The following ANKAR variants were observed in gnomAD, a reference collection of about 807,000 sequenced individuals.
The protein encoded by ANKAR is ankyrin and armadillo repeat containing, also known as ankyrin and armadillo repeat-containing protein.
A neutral mutation model predicts 146.2 loss-of-function variants in ANKAR; 136 were observed. The ratio of observed to expected loss-of-function variants is 0.93; its 90% CI spans 0.81 to 1.07. The LOEUF (loss-of-function observed/expected upper bound fraction) is 1.07, where lower values mean the gene tolerates loss of function less well. ANKAR is among the 50% of genes least tolerant of loss of function. The probability of loss-of-function intolerance (pLI) is 0.00; values close to 1 mark genes in which losing one functional copy is unlikely to be tolerated. For missense variants in ANKAR, 1,567 were observed against 1,679.9 expected (o/e 0.93, Z 1.18); for synonymous variants, 500 against 575.8 (o/e 0.87, Z 1.88).
intron 7 of ANKAR, among the ~76,000 whole-genome samples, chr2:189,699,945 C>A (rs1278895425): frequency 6.6e-6 from 1 of 152,138 alleles, no homozygotes; most frequent in African/African-American, 2.4e-5. Flanking sequence ...AGATTACAGG[C>A]GTGAGCCACT....
chr2:189,723,099 T>C (rs752947419), intron 12 of ANKAR, among the ~76,000 whole-genome samples: 1 of 152,184 alleles, frequency 6.6e-6, no homozygotes, highest in Admixed American at 6.5e-5. Context: ...TGTTAAGGTA[T>C]AGGAGATCAC....
chr2:189,746,491 A>T lies in ANKAR; in HGVS notation c.4169A>T (p.Lys1390Met). ...CTCTTCAAAGCAACAAAAAAGACCA[A>T]GGATTCCCATAATATTTTTTCTTTT... ...MGLFKATKKT[K>M]DSHNIFSFSS... The change falls in exon 23 of 23, where the codon AAG becomes ATG. Residue 1390 changes from lysine (K) to methionine (M), a missense_variant. Lys to Met is a moderately conservative substitution (Grantham distance 95). Coordinates refer to ENST00000684021, the MANE Select transcript of ANKAR (RefSeq NM_001378068.1). The T allele has an allele frequency of 3.7e-6, 6 of 1,613,944 alleles. No individual in the cohort carries two copies. Among genetic ancestry groups the T allele is most frequent in the Non-Finnish European group, 5.1e-6 (6 of 1,179,916 alleles).
intron 1 of ANKAR, 131 bp from the exon 2 acceptor site, chr2:189,676,325 G>A: frequency 1.3e-6 from 1 of 775,972 alleles, no homozygotes; most frequent in Non-Finnish European, 1.9e-6. Flanking sequence ...TTTTTAATTT[G>A]AAAACTATAA....
chr2:189,677,498 C>T (rs927206046), intron 2 of ANKAR, among the ~76,000 whole-genome samples: 4 of 152,038 alleles, frequency 2.6e-5, no homozygotes, highest in African/African-American at 9.7e-5. Flanking sequence ...GCCTTTGCGT[C>T]CTCATAGCTT....
rs751233376 is a variant in ANKAR at position 189,744,795 on chromosome 2, G to C, written c.4057+7G>C. On this transcript the variant is annotated splice_region_variant and intron_variant, in intron 22 of 22. Transcript: ENST00000684021. ...ATTCCTATCTTTAAAAGAGGTAATT[G>C]ATTTTTCTTTTATCTATGAAGTACC... is the stretch of plus-strand genomic sequence containing the variant. 1.9e-6 allele frequency: 3 copies of C among 1,572,874 alleles called. No individual in the cohort carries two copies. The East Asian group carries it at 6.7e-5, about 35-fold the overall frequency.
At chr2:189,762,825 C>G, downstream of ANKAR, 1 of 985,488 alleles carries the variant, frequency 1.0e-6, no homozygotes, top group African/African-American at 1.7e-5. Context: ...CCGTCCAGAG[C>G]TGGCTGCTGT....
At chr2:189,708,520 A>T (rs562854645) in intron 9 of ANKAR, among the ~76,000 whole-genome samples, 44 of 152,240 alleles carry the variant, frequency 2.9e-4, no homozygotes, top group Non-Finnish European at 5.7e-4. Flanking sequence ...AGTATTCAAT[A>T]AATTACATGA....
At chr2:189,721,096 TTC>T (rs1491187436) in intron 12 of ANKAR, among the ~76,000 whole-genome samples, 2 of 152,164 alleles carry the variant, frequency 1.3e-5, no homozygotes, top group East Asian at 3.9e-4. Flanking sequence ...CAAGAAATTC[TTC>T]TGTCTTAGCC....
At position 189,695,151 on chromosome 2, in the gene ANKAR, T is replaced by C; in HGVS notation, c.1478T>C (p.Met493Thr). 6.2e-7 allele frequency: 1 copy of C among 1,603,460 alleles called. No individual in the cohort carries two copies. The highest frequency in any genetic ancestry group is 2.2e-5 in the East Asian group (1 of 44,730). ...FKKKLGFKRA[M>T]KCKSIPFGMK... Reference sequence around the variant, plus strand: ...AAAAAGCTTGGTTTCAAAAGAGCTATGAAATGCAAGGTATTTCAGTGACTA... The same window carrying C: ...AAAAAGCTTGGTTTCAAAAGAGCTACGAAATGCAAGGTATTTCAGTGACTA... Residue 493 changes from methionine to threonine, a missense_variant, in exon 6 of 23, where the codon ATG becomes ACG. Met to Thr is a moderately conservative substitution (Grantham distance 81, BLOSUM62 -1). Transcript: ENST00000684021.
At chr2:189,704,336 A>G (rs963490519) in intron 7 of ANKAR, among the ~76,000 whole-genome samples, 2 of 150,138 alleles carry the variant, frequency 1.3e-5, no homozygotes, top group Non-Finnish European at 3.0e-5. Context: ...AGTAGACCCC[A>G]GTTTCACCAT....
chr2:189,701,837 GT>G (rs1401318226), intron 7 of ANKAR, among the ~76,000 whole-genome samples: 3 of 152,120 alleles, frequency 2.0e-5, no homozygotes, highest in Non-Finnish European at 4.4e-5. Flanking sequence ...TTTAAACTGT[GT>G]TTTTTGCTTT....
At chr2:189,706,340 C>T (rs988305401) in intron 8 of ANKAR, among the ~76,000 whole-genome samples, 1 of 151,960 alleles carries the variant, frequency 6.6e-6, no homozygotes, top group African/African-American at 2.4e-5. Context: ...GAGCTGAGGT[C>T]ACACCACTGC....
chr2:189,714,771 C>A (rs1485414755), intron 10 of ANKAR, among the ~76,000 whole-genome samples: 3 of 151,610 alleles, frequency 2.0e-5, no homozygotes, highest in Non-Finnish European at 4.4e-5. Context: ...ACAGTGAAAC[C>A]CTGTCTCTAC....
chr2:189,762,848 C>G (rs950932981), downstream of ANKAR: 49 of 985,270 alleles, frequency 5.0e-5, no homozygotes, highest in African/African-American at 7.9e-4. Context: ...CGCTAGCGAG[C>G]GGCATGCTTA....
intron 11 of ANKAR, among the ~76,000 whole-genome samples, 194 bp from the exon 12 acceptor site, chr2:189,720,425 T>G (rs2041104280): frequency 6.6e-6 from 1 of 152,102 alleles, no homozygotes. Flanking sequence ...TTTTTGTATT[T>G]TTAGTAGAGA....
chr2:189,687,914 T>A (rs1176617593), intron 2 of ANKAR, among the ~76,000 whole-genome samples: 1 of 152,236 alleles, frequency 6.6e-6, no homozygotes, highest in Non-Finnish European at 1.5e-5. Flanking sequence ...GTGGGTTGTC[T>A]CTTCACTTTG....
At chr2:189,711,701 C>G (rs1187634761) in intron 10 of ANKAR, among the ~76,000 whole-genome samples, 1 of 152,182 alleles carries the variant, frequency 6.6e-6, no homozygotes, top group Non-Finnish European at 1.5e-5. Context: ...CAGGTGATTT[C>G]TGCATTTCCA....
intron 14 of ANKAR, 87 bp from the exon 15 acceptor site, chr2:189,728,573 G>A: frequency 1.3e-6 from 2 of 1,518,074 alleles, no homozygotes; most frequent in Non-Finnish European, 1.8e-6. Context: ...AAGTAGCTGG[G>A]ATTACAAGTG....
intron 17 of ANKAR, among the ~76,000 whole-genome samples, chr2:189,734,466 T>C (rs2042663804): frequency 6.6e-6 from 1 of 152,192 alleles, no homozygotes; most frequent in African/African-American, 2.4e-5. Flanking sequence ...AATGATTTTG[T>C]GGACTGTCAC....
Sources: allele counts gnomAD v4.1 joint callset (sites outside exome capture counted in the v4.1 genomes callset), GRCh38; gene constraint gnomAD v4.1.1; transcripts MANE v1.5; gene names NCBI Gene and HGNC (gene_info 2026-07-23, HGNC 2026-07-21).